The following LCTL variants were observed in gnomAD, a reference collection of about 807,000 sequenced individuals.
LCTL encodes lactase like.
LCTL carries 76 observed loss-of-function variants against 75.8 expected under a neutral mutation model. The observed-to-expected ratio is 1.00, with a 90% CI of 0.83 to 1.21. The LOEUF is 1.21. LCTL is among the 50% of genes most tolerant of loss of function. The pLI is 0.00. For missense variants in LCTL, 670 were observed against 712.4 expected (o/e 0.94, Z 0.68); for synonymous variants, 271 against 268.8 (o/e 1.01, Z -0.08).
At chr15:66,561,296 C>T (rs1290276798) in exon 5 of LCTL, 1 of 1,614,244 alleles carries the variant, frequency 6.2e-7, no homozygotes, top group Non-Finnish European at 8.5e-7. Flanking sequence ...CTGCCACCCA[C>T]CGTATTTGAC....
At chr15:66,548,710 A>C in intron 12 of LCTL, 105 bp from the exon 14 acceptor site, 1 of 500,904 alleles carries the variant, frequency 2.0e-6, no homozygotes. Flanking sequence ...CTTAAAAAAT[A>C]GCATCCTCAA....
rs552591438 is a variant in LCTL, at chr15:66,564,719, T to C, written c.239A>G (p.Asn80Ser). Residue 80 changes from asparagine to serine, a missense_variant, in exon 2 of 13, where the codon AAT becomes AGT. Coordinates refer to ENST00000341509, the Ensembl canonical transcript of LCTL. Reference sequence around the variant, plus strand: ...GTCACAGGCTACATCTGCCGTCTCATTCCCAAGCACTTTCCCCTTCCCACT... The same window carrying C: ...GTCACAGGCTACATCTGCCGTCTCACTCCCAAGCACTTTCCCCTTCCCACT... The C allele has an allele frequency of 2.5e-6, 4 of 1,613,574 alleles. No homozygotes were observed. The African/African-American group carries it at 5.3e-5, about 22-fold the overall frequency.
intron 6 of LCTL, 147 bp from the exon 8 acceptor site, chr15:66,558,183 C>G (rs931811139): frequency 8.6e-6 from 5 of 578,328 alleles, no homozygotes; most frequent in Non-Finnish European, 1.1e-5. Context: ...CTTCTTTCCT[C>G]TAACTTCTTG....
intron 4 of LCTL, among the ~76,000 whole-genome samples, chr15:66,562,836 G>A (rs903204722): frequency 7.9e-5 from 12 of 152,104 alleles, no homozygotes; most frequent in Non-Finnish European, 1.0e-4. Context: ...CACCCACCTC[G>A]GCCCCCCAAA....
At chr15:66,557,953 C>G (rs1005527382) in intron 7 of LCTL, 29 bp downstream of exon 8, 11 of 1,608,216 alleles carry the variant, frequency 6.8e-6, no homozygotes, top group African/African-American at 1.3e-5. Context: ...CTTGGCTGTC[C>G]TGGGTACATG....
intron 4 of LCTL, among the ~76,000 whole-genome samples, chr15:66,561,653 C>T (rs571204787): frequency 6.6e-6 from 1 of 152,280 alleles, no homozygotes; most frequent in East Asian, 1.9e-4. Flanking sequence ...AGGGCTTTCC[C>T]AACCAAAGAC....
At chr15:66,551,987 C>A in intron 10 of LCTL, 56 bp downstream of exon 11, 1 of 1,580,378 alleles carries the variant, frequency 6.3e-7, no homozygotes, top group South Asian at 1.2e-5. Flanking sequence ...GTGTGTTAAT[C>A]ACATTTTGTC....
At chr15:66,561,367 A>G (rs1895884919) in intron 4 of LCTL, 52 bp from the exon 6 acceptor site, 2 of 1,608,394 alleles carry the variant, frequency 1.2e-6, no homozygotes, top group East Asian at 4.5e-5. Context: ...AAGCGGTTTA[A>G]ATGTGGAGAT....
chr15:66,559,551 C>G (rs1377891018), intron 6 of LCTL, among the ~76,000 whole-genome samples: 1 of 151,332 alleles, frequency 6.6e-6, no homozygotes, highest in Non-Finnish European at 1.5e-5. Context: ...ACTAAAAATT[C>G]AAAAAAATTA....
At chr15:66,561,632 T>C (rs1895892420) in intron 4 of LCTL, among the ~76,000 whole-genome samples, 1 of 152,172 alleles carries the variant, frequency 6.6e-6, no homozygotes, top group Non-Finnish European at 1.5e-5. Context: ...AGAGTCTGCC[T>C]TCTTCGGCAG....
At chr15:66,553,131 C>G (rs772368445) in exon 9 of LCTL, 5 of 1,611,714 alleles carry the variant, frequency 3.1e-6, no homozygotes, top group Non-Finnish European at 4.2e-6. Context: ...AGTTCCTTTC[C>G]GTGATGTACC....
intron 11 of LCTL, among the ~76,000 whole-genome samples, chr15:66,550,829 G>A (rs1338207817): frequency 6.6e-6 from 1 of 152,074 alleles, no homozygotes; most frequent in Non-Finnish European, 1.5e-5. Flanking sequence ...TGCAGCAACA[G>A]AGAATAGAGA....
intron 12 of LCTL, chr15:66,549,822 T>C (rs989285609): frequency 8.4e-5 from 32 of 382,572 alleles, no homozygotes; most frequent in African/African-American, 6.3e-4. Flanking sequence ...AAAACTTGAA[T>C]GGATAAAATG....
At chr15:66,560,922 C>T in intron 6 of LCTL, 84 bp downstream of exon 7, 1 of 1,225,464 alleles carries the variant, frequency 8.2e-7, no homozygotes, top group Non-Finnish European at 1.2e-6. Flanking sequence ...GGTGGAGCGG[C>T]AGAGGACCAA....
chr15:66,557,995 G>A (rs1191521297), exon 7 of LCTL: 2 of 1,607,820 alleles, frequency 1.2e-6, no homozygotes, highest in East Asian at 4.5e-5. Flanking sequence ...GCTGCTTGCT[G>A]CGCCACGTGG....
In LCTL at chr15:66,553,295, AT is replaced by A. The variant is rs144976355; in HGVS notation, c.923-38del. On this transcript the variant is annotated intron_variant, in intron 8 of 12. Transcript: ENST00000341509. ...GAAAAGTAGAATTTAACAAAGCCTT[AT>A]TTTCTCCCAATCACTGTGTTATGTA... 1,032 of 1,480,122 alleles carry A rather than the reference AT, an allele frequency of 7.0e-4. 8 individuals are homozygous for A. In the African/African-American group the frequency reaches 0.014, roughly 20 times the overall value. The allele number at this position is 1,480,122 out of a possible 1,614,324, so 91.7% of individuals were successfully genotyped here.
chr15:66,565,498 T>A, upstream of LCTL: 2 of 610,342 alleles, frequency 3.3e-6, no homozygotes, highest in Non-Finnish European at 5.8e-6. Flanking sequence ...GCGCTTGATC[T>A]GCACCCAGCA....
At chr15:66,553,572 A>G (rs1250967547) in intron 8 of LCTL, among the ~76,000 whole-genome samples, 2 of 150,860 alleles carry the variant, frequency 1.3e-5, no homozygotes, top group Non-Finnish European at 3.0e-5. Flanking sequence ...TGGCTAGCAC[A>G]GTGAAACCCC....
chr15:66,563,692 G>T, intron 3 of LCTL, 67 bp from the exon 5 acceptor site: 1 of 1,203,406 alleles, frequency 8.3e-7, no homozygotes, highest in Non-Finnish European at 1.2e-6. Context: ...CTTCTGGAGT[G>T]CAGCATTCCT....
Sources: gnomAD v4.1 joint callset for allele counts (sites outside exome capture counted in the v4.1 genomes callset) on GRCh38, gnomAD v4.1.1 for gene constraint, MANE v1.5 for transcripts, NCBI Gene and HGNC (gene_info 2026-07-23, HGNC 2026-07-21) for gene names.